IL6ST: variants seen among roughly 807,000 people sequenced by gnomAD.
IL6ST encodes the protein interleukin-6 receptor subunit beta.
A neutral mutation model predicts 91.3 loss-of-function variants in IL6ST; 24 were observed. The ratio of observed to expected loss-of-function variants is 0.26; its 90% confidence interval spans 0.19 to 0.37. The LOEUF (loss-of-function observed/expected upper bound fraction) is 0.37. IL6ST is among the 10% of genes least tolerant of loss of function. The pLI is 1.00. For synonymous variants in IL6ST, 351 were observed against 373.6 expected (o/e 0.94, Z 0.70); for missense variants, 914 against 1,078.5 (o/e 0.85, Z 2.14).
intron 3 of IL6ST, among the ~76,000 whole-genome samples, chr5:55,970,246 T>A (rs1181897476): frequency 6.6e-6 from 1 of 152,152 alleles, no homozygotes; most frequent in Admixed American, 6.6e-5. Context: ...TCCTCTACAG[T>A]CCTGAATGCT....
At chr5:55,986,487 G>A (rs953971920) in intron 1 of IL6ST, among the ~76,000 whole-genome samples, 2 of 152,004 alleles carry the variant, frequency 1.3e-5, no homozygotes, top group African/African-American at 4.8e-5. Flanking sequence ...CATCTTTAGG[G>A]GGTAGGCAGC....
rs1346377834 is a variant in IL6ST, at chr5:55,936,518, A to T, written c.*4564T>A. ...CTTTTAAATCACATTCCATTATGTC[A>T]TTTAAAATGTCACAAAACCCACACG... On this transcript the variant is annotated 3_prime_UTR_variant, in exon 17 of 17. Coordinates refer to ENST00000381298, the MANE Select transcript of IL6ST (RefSeq NM_002184.4). The T allele has an allele frequency of 2.8e-5, 6 of 211,766 alleles. No homozygotes were observed. The highest frequency in any genetic ancestry group is 5.7e-5 in the Non-Finnish European group (6 of 104,682). The allele number at this position is 211,766 out of a possible 1,614,324, so 13.1% of individuals were successfully genotyped here.
At chr5:55,958,987 G>A (rs1375341269) in intron 8 of IL6ST, among the ~76,000 whole-genome samples, 1 of 151,944 alleles carries the variant, frequency 6.6e-6, no homozygotes, top group Non-Finnish European at 1.5e-5. Context: ...AAATTCACAT[G>A]AGTACAGTGC....
chr5:55,968,728 A>G (rs1328658389), intron 4 of IL6ST, among the ~76,000 whole-genome samples: 1 of 152,232 alleles, frequency 6.6e-6, no homozygotes, highest in Non-Finnish European at 1.5e-5. Flanking sequence ...TAATATATAC[A>G]TATGTTTGTA....
chr5:55,944,340 C>G (rs1352734318), intron 15 of IL6ST, among the ~76,000 whole-genome samples: 1 of 151,988 alleles, frequency 6.6e-6, no homozygotes, highest in Non-Finnish European at 1.5e-5. Context: ...CAAAAAGCTA[C>G]TAATAAATGA....
chr5:55,978,176 G>A (rs1753426521), intron 2 of IL6ST: 1 of 152,194 alleles, frequency 6.6e-6, no homozygotes, highest in Admixed American at 6.5e-5. Flanking sequence ...ACTCATAACA[G>A]TAGTCAGAGT....
chr5:55,982,712 T>C lies in IL6ST; in HGVS notation c.-16+12A>G, dbSNP rs1753735371. ...AAAAAAACAAAAAATTCAGACAAGA[T>C]CAATTACTTACCCAAATCACAAAAT... On this transcript the variant is annotated intron_variant, in intron 2 of 16. Transcript: ENST00000381298. The C allele has an allele frequency of 2.5e-6, 1 of 398,150 alleles. No individual in the cohort carries two copies. Among genetic ancestry groups the C allele is most frequent in the Admixed American group, 4.4e-5 (1 of 22,714 alleles). The allele number at this position is 398,150 out of a possible 1,614,324, so 24.7% of individuals were successfully genotyped here.
At chr5:55,987,087 C>T (rs1184137805) in intron 1 of IL6ST, among the ~76,000 whole-genome samples, 1 of 152,172 alleles carries the variant, frequency 6.6e-6, no homozygotes, top group South Asian at 2.1e-4. Flanking sequence ...ACTGCTTGAG[C>T]CTTGGAGGTC....
intron 3 of IL6ST, among the ~76,000 whole-genome samples, chr5:55,973,693 T>G (rs1753096326): frequency 6.6e-6 from 1 of 152,222 alleles, no homozygotes; most frequent in Non-Finnish European, 1.5e-5. Context: ...CTATCTATAG[T>G]CTTGTCCTAT....
chr5:55,955,815 G>A (rs973280400), intron 10 of IL6ST, among the ~76,000 whole-genome samples: 11 of 152,158 alleles, frequency 7.2e-5, no homozygotes, highest in Admixed American at 2.6e-4. Flanking sequence ...TCAGGAGTTC[G>A]AGACCAGCCT....
chr5:55,977,071 C>T (rs1413258827), intron 2 of IL6ST, among the ~76,000 whole-genome samples: 1 of 152,026 alleles, frequency 6.6e-6, no homozygotes, highest in Non-Finnish European at 1.5e-5. Flanking sequence ...TGTCCACCAA[C>T]TGCTGAATGT....
chr5:55,972,096 A>T (rs935694616), intron 3 of IL6ST, among the ~76,000 whole-genome samples: 1 of 152,246 alleles, frequency 6.6e-6, no homozygotes, highest in African/African-American at 2.4e-5. Flanking sequence ...ATCACTTGTT[A>T]TACTTTCTCT....
At position 55,988,714 on chromosome 5, in the gene IL6ST, C is replaced by T. The variant is rs140310422; in HGVS notation, c.-103-5903G>A. On this transcript the variant is annotated intron_variant, in intron 1 of 16. Coordinates refer to ENST00000381298, the MANE Select transcript of IL6ST (RefSeq NM_002184.4). ...CCAGTAGGCGGAGGTTGCAGTGAGCCGGGATGTCGCCACTGCACTCCAGCC... is the reference window on the plus strand; with the variant it reads ...CCAGTAGGCGGAGGTTGCAGTGAGCTGGGATGTCGCCACTGCACTCCAGCC... Among the ~76,000 whole-genome samples the T allele has an allele frequency of 1.9e-3, 277 of 145,594 alleles. 1 individual carries two copies. Among genetic ancestry groups the T allele is most frequent in the African/African-American group, 4.3e-3 (165 of 38,356 alleles).
Position 55,941,208 on chromosome 5 carries a change from A to G in IL6ST, c.2631T>C (p.Phe877=), listed in dbSNP as rs775043010. The change falls in exon 17 of 17, where the codon TTT becomes TTC. Residue 877 remains phenylalanine, a synonymous_variant. Coordinates refer to ENST00000381298, the MANE Select transcript of IL6ST (RefSeq NM_002184.4). Reference sequence around the variant, plus strand: ...CTACTTGTCCCTCAGTACCTGGACCAAAAGCATCTGCTGCAGAAACTTCCT... The same window carrying G: ...CTACTTGTCCCTCAGTACCTGGACCGAAAGCATCTGCTGCAGAAACTTCCT... ...MFQEVSAADA[F]GPGTEGQVER... is the part of the protein sequence containing the mutation. The G allele has an allele frequency of 6.2e-7, 1 of 1,614,060 alleles. No individual in the cohort carries two copies. The highest frequency in any genetic ancestry group is 8.5e-7 in the Non-Finnish European group (1 of 1,180,010).
chr5:55,975,405 C>T (rs1296005422), intron 3 of IL6ST, among the ~76,000 whole-genome samples: 2 of 152,168 alleles, frequency 1.3e-5, no homozygotes, highest in East Asian at 3.8e-4. Flanking sequence ...CTTCCCAAAG[C>T]CTCCCCAGAA....
chr5:55,959,781 C>T, intron 8 of IL6ST: 1 of 425,406 alleles, frequency 2.4e-6, no homozygotes, highest in East Asian at 7.1e-5. Flanking sequence ...GGATATGATT[C>T]TCTAGTTAGG....
At chr5:55,946,259 G>A (rs542346882) in intron 15 of IL6ST, among the ~76,000 whole-genome samples, 3 of 152,270 alleles carry the variant, frequency 2.0e-5, no homozygotes, top group African/African-American at 7.2e-5. Context: ...CACTGCTGGA[G>A]GCAATCCAAG....
At chr5:55,958,508 T>C (rs907460893) in intron 8 of IL6ST, among the ~76,000 whole-genome samples, 3 of 152,076 alleles carry the variant, frequency 2.0e-5, no homozygotes, top group Admixed American at 6.6e-5. Flanking sequence ...TAACAAGATA[T>C]GGTAGTCAGT....
chr5:55,979,678 A>C (rs1194658512), intron 2 of IL6ST, among the ~76,000 whole-genome samples: 1 of 152,196 alleles, frequency 6.6e-6, no homozygotes, highest in Non-Finnish European at 1.5e-5. Flanking sequence ...TGTAAATTAG[A>C]CCTCACTTAA....
Sources: gnomAD v4.1 joint callset for allele counts (sites outside exome capture counted in the v4.1 genomes callset) on GRCh38, gnomAD v4.1.1 for gene constraint, MANE v1.5 for transcripts, NCBI Gene and HGNC (gene_info 2026-07-23, HGNC 2026-07-21) for gene names.